ANKFN1: variants seen among roughly 807,000 people sequenced by gnomAD.
ANKFN1 encodes the protein ankyrin repeat and fibronectin type III domain containing 1, also known as ankyrin repeat and fibronectin type-III domain-containing protein 1.
A neutral mutation model predicts 108.7 loss-of-function variants in ANKFN1; 74 were observed. The observed-to-expected ratio is 0.68, with a 90% CI of 0.56 to 0.83. ANKFN1 has a LOEUF of 0.83. ANKFN1 is among the 40% of genes least tolerant of loss of function. The pLI is 0.00. For missense variants in ANKFN1, 1,505 were observed against 1,382.3 expected, an observed-to-expected ratio of 1.09 and a Z score of -1.41; for synonymous variants, 547 against 516.2, an observed-to-expected ratio of 1.06 and a Z score of -0.81.
intron 3 of ANKFN1, among the ~76,000 whole-genome samples, chr17:56,253,048 C>A (rs577817458): frequency 1.3e-4 from 20 of 151,990 alleles, no homozygotes; most frequent in Admixed American, 5.2e-4. Context: ...GGTGACAGAG[C>A]GAGACCTTGT....
chr17:56,123,143 C>T (rs1049502492), intron 4 of ANKFN1, among the ~76,000 whole-genome samples: 2 of 152,210 alleles, frequency 1.3e-5, no homozygotes, highest in African/African-American at 4.8e-5. Flanking sequence ...AGGTAACGTG[C>T]TCAAGGTCAC....
At chr17:56,302,786 A>G (rs1454183222) in intron 3 of ANKFN1, among the ~76,000 whole-genome samples, 1 of 152,200 alleles carries the variant, frequency 6.6e-6, no homozygotes, top group Admixed American at 6.5e-5. Flanking sequence ...CACAAAAATG[A>G]GAACTGTTCT....
chr17:56,346,877 C>T (rs2046117741), intron 4 of ANKFN1, among the ~76,000 whole-genome samples: 1 of 151,606 alleles, frequency 6.6e-6, no homozygotes, highest in Admixed American at 6.6e-5. Flanking sequence ...CAGATATATT[C>T]AACCTATAGT....
intron 3 of ANKFN1, among the ~76,000 whole-genome samples, chr17:56,280,008 C>CTTTTTTTTTTTTTTTTTTTTTTTTTTTT (rs3086033): frequency 5.2e-5 from 7 of 134,858 alleles, no homozygotes; most frequent in African/African-American, 2.1e-4. Flanking sequence ...CACATAATGT[C>CTTTTTTTTTTTTTTTTTTTTTTTTTTTT]TTTTTTTTTT....
chr17:56,404,181 T>A (rs2047847937), intron 8 of ANKFN1, among the ~76,000 whole-genome samples: 1 of 152,172 alleles, frequency 6.6e-6, no homozygotes, highest in Non-Finnish European at 1.5e-5. Context: ...AGGTGTTCTT[T>A]GTGCTTATTG....
chr17:56,491,408 G>A (rs986386979), intron 18 of ANKFN1, among the ~76,000 whole-genome samples: 2 of 152,164 alleles, frequency 1.3e-5, no homozygotes, highest in Non-Finnish European at 2.9e-5. Context: ...ATCAGAGCTG[G>A]TCAGAGAAGT....
intron 3 of ANKFN1, among the ~76,000 whole-genome samples, chr17:56,278,550 G>A (rs908699101): frequency 6.6e-6 from 1 of 152,208 alleles, no homozygotes; most frequent in African/African-American, 2.4e-5. Flanking sequence ...AGCTTTAAGG[G>A]TGGACCCCAC....
At chr17:56,076,069 T>C (rs1905177676) in intron 4 of ANKFN1, among the ~76,000 whole-genome samples, 1 of 152,170 alleles carries the variant, frequency 6.6e-6, no homozygotes, top group African/African-American at 2.4e-5. Context: ...ATTTGGACTT[T>C]GCTAAATTTT....
rs375242343 is a variant in ANKFN1, at chr17:56,331,853, G to A, written c.188+5498G>A. Among the ~76,000 whole-genome samples, 195 of 152,222 alleles carry A rather than the reference G, an allele frequency of 1.3e-3. 1 individual carries two copies. Among genetic ancestry groups the A allele is most frequent in the African/African-American group, 4.2e-3 (176 of 41,554 alleles). ...GGGAGATACAACCTCAGGGCATCAA[G>A]AGTGAAGAAAAAAGGGAAGTGAGTC... On this transcript the variant is annotated intron_variant, in intron 4 of 20. Transcript: ENST00000682825.
chr17:56,411,929 G>A (rs929679340), intron 8 of ANKFN1, among the ~76,000 whole-genome samples: 22 of 152,106 alleles, frequency 1.4e-4, no homozygotes, highest in Admixed American at 1.2e-3. Flanking sequence ...TATTCATCAG[G>A]GACATTGGCC....
intron 4 of ANKFN1, among the ~76,000 whole-genome samples, chr17:56,103,372 G>T (rs2143227467): frequency 6.6e-6 from 1 of 152,304 alleles, no homozygotes; most frequent in South Asian, 2.1e-4. Context: ...GTCTGGAAAA[G>T]GCCAAAGCCA....
chr17:56,214,060 A>C (rs1915242160), intron 2 of ANKFN1, among the ~76,000 whole-genome samples: 1 of 152,174 alleles, frequency 6.6e-6, no homozygotes, highest in Non-Finnish European at 1.5e-5. Flanking sequence ...CTCAGTGGCA[A>C]TTAATTTAAA....
intron 1 of ANKFN1, among the ~76,000 whole-genome samples, chr17:56,183,609 T>C (rs979430081): frequency 6.6e-6 from 1 of 152,176 alleles, no homozygotes; most frequent in African/African-American, 2.4e-5. Context: ...CTGCTTTTGC[T>C]TCACCTTTTG....
At chr17:56,166,765 T>A (rs926878985) in intron 1 of ANKFN1, among the ~76,000 whole-genome samples, 2 of 152,146 alleles carry the variant, frequency 1.3e-5, no homozygotes, top group Admixed American at 1.3e-4. Flanking sequence ...CCCATAGTAT[T>A]TTTTTGTTTA....
chr17:56,484,206 G>A (rs117338999), intron 18 of ANKFN1, among the ~76,000 whole-genome samples: 3,383 of 152,270 alleles, frequency 0.022, 57 homozygotes, highest in Non-Finnish European at 0.034. Context: ...TGAGGAAAAG[G>A]TGGGATGTAA....
At chr17:56,051,876 C>G (rs1031924915) in intron 4 of ANKFN1, among the ~76,000 whole-genome samples, 1 of 150,534 alleles carries the variant, frequency 6.6e-6, no homozygotes, top group Non-Finnish European at 1.5e-5. Context: ...TGTGAAGGAC[C>G]TCTTCAAGGA....
intron 8 of ANKFN1, among the ~76,000 whole-genome samples, chr17:56,438,967 G>A (rs2049012786): frequency 6.6e-6 from 1 of 152,168 alleles, no homozygotes; most frequent in Non-Finnish European, 1.5e-5. Flanking sequence ...ATGCAAAAGA[G>A]AAGTAGAAAG....
chr17:56,384,679 A>AT (rs759315360), intron 8 of ANKFN1, among the ~76,000 whole-genome samples: 6 of 152,200 alleles, frequency 3.9e-5, no homozygotes, highest in Non-Finnish European at 5.9e-5. Context: ...ACCAATATAG[A>AT]TAAACAGAGA....
intron 4 of ANKFN1, among the ~76,000 whole-genome samples, chr17:56,128,008 C>T (rs1907038840): frequency 6.6e-6 from 1 of 152,210 alleles, no homozygotes; most frequent in Non-Finnish European, 1.5e-5. Flanking sequence ...AGTCCTCAAA[C>T]TTCACAGAAG....
Sources: allele counts gnomAD v4.1 joint callset (sites outside exome capture counted in the v4.1 genomes callset), GRCh38; gene constraint gnomAD v4.1.1; transcripts MANE v1.5; gene names NCBI Gene and HGNC (gene_info 2026-07-23, HGNC 2026-07-21).